The following ASTN2 variants were observed in gnomAD, a reference collection of about 807,000 sequenced individuals.
ASTN2 encodes astrotactin 2.
In ASTN2, 54 loss-of-function variants were observed where a neutral mutation model predicts 139.8. That is an observed-to-expected ratio of 0.39 (90% confidence interval 0.31 to 0.48). The LOEUF is 0.48. ASTN2 is among the 20% of genes least tolerant of loss of function. ASTN2 has a pLI of 0.95. For missense variants in ASTN2, 1,565 were observed against 1,725.1 expected (o/e 0.91, Z 1.64); for synonymous variants, 756 against 719.5 (o/e 1.05, Z -0.81).
intron 5 of ASTN2, among the ~76,000 whole-genome samples, chr9:117,047,698 G>C (rs1426323710): frequency 6.6e-6 from 1 of 151,952 alleles, no homozygotes; most frequent in African/African-American, 2.4e-5. Flanking sequence ...GTGGAAATTA[G>C]GTTGCCTTGA....
rs1265381650 is a variant in ASTN2, at chr9:116,975,318, G to C, written c.1779C>G (p.Leu593=). ...CAAAGCTTTTGCTGACAGGAAGCCA[G>C]AGGCCTTGGCCCAAGCTGAAAGTAG... ...LRSTFSLGQG[L]WLPVSKSFVV... is the part of the protein sequence containing the mutation. The change falls in exon 10 of 23, where the codon CTC becomes CTG. Residue 593 remains leucine, a synonymous_variant. Transcript: ENST00000313400. 1.9e-6 allele frequency: 3 copies of C among 1,613,156 alleles called. No individual in the cohort carries two copies. Among genetic ancestry groups the C allele is most frequent in the Middle Eastern group, 1.7e-4 (1 of 6,054 alleles).
intron 10 of ASTN2, among the ~76,000 whole-genome samples, chr9:116,904,404 A>C (rs1834101632): frequency 6.6e-6 from 1 of 152,164 alleles, no homozygotes; most frequent in African/African-American, 2.4e-5. Context: ...CAGTCTGGTC[A>C]GGCTGTTCAT....
At chr9:116,765,110 C>T (rs1047445089) in intron 13 of ASTN2, among the ~76,000 whole-genome samples, 1 of 152,166 alleles carries the variant, frequency 6.6e-6, no homozygotes, top group Non-Finnish European at 1.5e-5. Context: ...ACAGCATGGG[C>T]TGAATTAGGG....
intron 5 of ASTN2, among the ~76,000 whole-genome samples, chr9:117,089,221 G>A (rs1442152916): frequency 6.6e-6 from 1 of 152,180 alleles, no homozygotes; most frequent in Non-Finnish European, 1.5e-5. Flanking sequence ...GAGGTCCCGA[G>A]GGAGCACAGG....
chr9:117,034,187 C>T (rs1248093281), intron 6 of ASTN2, among the ~76,000 whole-genome samples: 1 of 152,166 alleles, frequency 6.6e-6, no homozygotes, highest in Non-Finnish European at 1.5e-5. Flanking sequence ...TAAAAGCAGA[C>T]TCTTCTATTG....
chr9:117,206,203 A>C (rs1192220789), intron 3 of ASTN2, among the ~76,000 whole-genome samples: 7 of 152,302 alleles, frequency 4.6e-5, no homozygotes, highest in Non-Finnish European at 8.8e-5. Context: ...ATCTGTGGTG[A>C]CAGGAAGTCC....
rs1847282721 is a variant in ASTN2, at chr9:116,425,679, G to C, written c.*172C>G. 4 of 1,608,754 alleles carry C rather than the reference G, an allele frequency of 2.5e-6. No individual in the cohort carries two copies. The highest frequency in any genetic ancestry group is 1.3e-5 in the African/African-American group (1 of 74,366). ...ATGAATAATTCCATTGGTTACAAAG[G>C]TCTCTGTCCACTATCCACAGGAGAA... On this transcript the variant is annotated 3_prime_UTR_variant, in exon 23 of 23. Coordinates refer to ENST00000313400, the MANE Select transcript of ASTN2 (RefSeq NM_001365068.1).
At chr9:116,529,006 G>A (rs544839213) in intron 19 of ASTN2, among the ~76,000 whole-genome samples, 3 of 152,230 alleles carry the variant, frequency 2.0e-5, no homozygotes, top group African/African-American at 4.8e-5. Flanking sequence ...AGGCAATGCA[G>A]AGGGGAAATG....
chr9:116,978,015 C>A (rs916169355), intron 7 of ASTN2, among the ~76,000 whole-genome samples: 2 of 152,102 alleles, frequency 1.3e-5, no homozygotes, highest in Non-Finnish European at 2.9e-5. Context: ...CCACGCCTGG[C>A]CTAGAAATAT....
intron 1 of ASTN2, among the ~76,000 whole-genome samples, chr9:117,317,532 C>G (rs1828181402): frequency 6.6e-6 from 1 of 152,162 alleles, no homozygotes; most frequent in African/African-American, 2.4e-5. Context: ...TCCAAGATAG[C>G]TAAGTCTCCT....
intron 5 of ASTN2, among the ~76,000 whole-genome samples, chr9:117,050,159 G>A (rs763088406): frequency 6.6e-6 from 1 of 152,032 alleles, no homozygotes; most frequent in Non-Finnish European, 1.5e-5. Flanking sequence ...ATTGGAGGGT[G>A]GCAAAGAAGA....
intron 14 of ASTN2, among the ~76,000 whole-genome samples, chr9:116,730,052 C>A (rs1286309472): frequency 6.6e-6 from 1 of 152,190 alleles, no homozygotes; most frequent in Admixed American, 6.5e-5. Context: ...ATATTCACAT[C>A]TATTTTCTAA....
chr9:117,231,713 G>A (rs771172247), intron 2 of ASTN2, among the ~76,000 whole-genome samples: 26 of 152,064 alleles, frequency 1.7e-4, no homozygotes, highest in Non-Finnish European at 2.9e-5. Context: ...AGGAATAAAG[G>A]GAGCATGGAA....
chr9:117,167,299 C>T (rs7039227), intron 3 of ASTN2, among the ~76,000 whole-genome samples: 84,831 of 151,836 alleles, frequency 0.56, 23,752 homozygotes, highest in East Asian at 0.69. Context: ...TCCTTAATTG[C>T]TAAATTTTTG....
rs1834589991 is a variant in ASTN2, at chr9:117,291,429, G to C, written c.527C>G (p.Ser176Cys). The change falls in exon 2 of 23, where the codon TCC becomes TGC. Residue 176 changes from serine (S) to cysteine (C), a missense_variant. By Grantham distance (112) the Ser-to-Cys change is moderately radical. Transcript: ENST00000313400. ...LENGTLYFHV[S>C]MSSSGQLAQA... Reference sequence around the variant, plus strand: ...GGCCAGCTGCCCGGAGCTGCTCATGGAGACGTGGAAGTACAAGGTGCCATT... The same window carrying C: ...GGCCAGCTGCCCGGAGCTGCTCATGCAGACGTGGAAGTACAAGGTGCCATT... The C allele has an allele frequency of 6.2e-7, 1 of 1,614,218 alleles. No homozygotes were observed. Among genetic ancestry groups the C allele is most frequent in the Non-Finnish European group, 8.5e-7 (1 of 1,180,030 alleles).
At chr9:116,522,480 T>A (rs1850918243) in intron 19 of ASTN2, among the ~76,000 whole-genome samples, 2 of 152,026 alleles carry the variant, frequency 1.3e-5, no homozygotes, top group African/African-American at 4.8e-5. Flanking sequence ...TGCAAAGGCA[T>A]AAGAATGATA....
chr9:117,026,878 C>G (rs1588492386), intron 6 of ASTN2, among the ~76,000 whole-genome samples: 1 of 150,922 alleles, frequency 6.6e-6, no homozygotes, highest in African/African-American at 2.5e-5. Context: ...AGGTGGTTTA[C>G]TGTGACATTC....
chr9:116,423,304 A>G lies in ASTN2; in HGVS notation c.*2547T>C, dbSNP rs1847232966. On this transcript the variant is annotated 3_prime_UTR_variant, in exon 23 of 23. Coordinates refer to ENST00000313400, the MANE Select transcript of ASTN2 (RefSeq NM_001365068.1). ...TCCCTTATCATTCAAGCTGGGAAAC[A>G]ACCCCTTGAGGTGGGACCAGCATTG... 6.6e-6 allele frequency among the ~76,000 whole-genome samples: 1 copy of G among 152,206 alleles called. No homozygotes were observed. Among genetic ancestry groups the G allele is most frequent in the African/African-American group, 2.4e-5 (1 of 41,472 alleles).
intron 2 of ASTN2, among the ~76,000 whole-genome samples, chr9:117,262,699 G>A (rs1177656910): frequency 7.2e-5 from 11 of 152,160 alleles, no homozygotes; most frequent in Admixed American, 7.2e-4. Flanking sequence ...TACACGGTGA[G>A]GGAGAATTAA....
Sources: allele counts gnomAD v4.1 joint callset (sites outside exome capture counted in the v4.1 genomes callset), GRCh38; gene constraint gnomAD v4.1.1; transcripts MANE v1.5; gene names NCBI Gene and HGNC (gene_info 2026-07-23, HGNC 2026-07-21).